The following DLGAP2 variants were observed in gnomAD, a reference collection of about 807,000 sequenced individuals.
The protein encoded by DLGAP2 is DLG associated protein 2.
In DLGAP2, 26 loss-of-function variants were observed where a neutral mutation model predicts 100.3. The observed-to-expected ratio is 0.26, with a 90% CI of 0.19 to 0.36. The LOEUF (loss-of-function observed/expected upper bound fraction) is 0.36, where lower values mean the gene tolerates loss of function less well. Ranked by LOEUF, DLGAP2 falls within the 10% of genes least tolerant of loss-of-function variation. The pLI is 1.00. For synonymous variants in DLGAP2, 886 were observed against 630.1 expected (o/e 1.41, Z -6.08); for missense variants, 1,858 against 1,453.2 (o/e 1.28, Z -4.53).
At chr8:1,463,412 C>A (rs995531203) in intron 3 of DLGAP2, among the ~76,000 whole-genome samples, 2 of 152,220 alleles carry the variant, frequency 1.3e-5, no homozygotes, top group Admixed American at 6.5e-5. Flanking sequence ...GAGAACCCAG[C>A]ATGGCTATGT....
chr8:976,098 C>T (rs1260698250), intron 2 of DLGAP2, among the ~76,000 whole-genome samples: 1 of 152,008 alleles, frequency 6.6e-6, no homozygotes, highest in Non-Finnish European at 1.5e-5. Context: ...AAAATTAACA[C>T]CAAAAATAAA....
chr8:975,344 A>C (rs183282048), intron 2 of DLGAP2, among the ~76,000 whole-genome samples: 6 of 152,300 alleles, frequency 3.9e-5, no homozygotes, highest in Admixed American at 3.9e-4. Flanking sequence ...GTACTCCACA[A>C]CCTATTCCAG....
At chr8:1,159,687 T>C (rs1021110270) in intron 2 of DLGAP2, among the ~76,000 whole-genome samples, 1 of 152,244 alleles carries the variant, frequency 6.6e-6, no homozygotes, top group African/African-American at 2.4e-5. Context: ...TATATACATT[T>C]TCATTCCGCA....
intron 2 of DLGAP2, among the ~76,000 whole-genome samples, chr8:1,027,973 G>T (rs551702867): frequency 9.0e-5 from 13 of 144,844 alleles, no homozygotes; most frequent in Non-Finnish European, 1.4e-4. Flanking sequence ...TATTCTCTAG[G>T]TGGGGTGTCA....
At chr8:1,299,647 A>G (rs535650083) in intron 3 of DLGAP2, among the ~76,000 whole-genome samples, 1 of 152,340 alleles carries the variant, frequency 6.6e-6, no homozygotes, top group South Asian at 2.1e-4. Context: ...GCTGCAAATT[A>G]GAAGCAATAA....
At chr8:1,604,896 G>A (rs368701558) in intron 6 of DLGAP2, among the ~76,000 whole-genome samples, 14 of 152,316 alleles carry the variant, frequency 9.2e-5, no homozygotes, top group African/African-American at 2.2e-4. Flanking sequence ...TAGGCCAGCC[G>A]TTAGAATCGC....
At chr8:1,501,245 A>C in intron 3 of DLGAP2, 121 bp from the exon 4 acceptor site, 1 of 1,056,224 alleles carries the variant, frequency 9.5e-7, no homozygotes, top group Non-Finnish European at 1.4e-6. Flanking sequence ...CGTTTGAAGA[A>C]ATACAAAGGT....
rs1185229966 is a variant in DLGAP2 at position 1,626,843 on chromosome 8, A to G, written c.1546A>G (p.Met516Val). 6.2e-7 allele frequency: 1 copy of G among 1,607,176 alleles called. No individual in the cohort carries two copies. Among genetic ancestry groups the G allele is most frequent in the Non-Finnish European group, 8.5e-7 (1 of 1,177,060 alleles). Residue 516 changes from methionine to valine, a missense_variant, in exon 7 of 15, where the codon ATG (methionine) becomes GTG (valine). By Grantham distance (21) the Met-to-Val change is conservative. Transcript: ENST00000637795. ...ATTCCGCTCCCGGAACCAGAGCTAC[A>G]TGAGGGCCGTCAGCACCCTGAGCCA... ...PKFRSRNQSYMRAVSTLSQAS... is the reference protein window; with the variant it reads ...PKFRSRNQSYVRAVSTLSQAS...
chr8:1,077,539 C>G (rs540772619), intron 2 of DLGAP2, among the ~76,000 whole-genome samples: 13 of 152,306 alleles, frequency 8.5e-5, no homozygotes, highest in Non-Finnish European at 1.6e-4. Flanking sequence ...GCTCCACTGT[C>G]TACCAGAGGT....
intron 3 of DLGAP2, among the ~76,000 whole-genome samples, chr8:1,464,271 A>G (rs866086810): frequency 1.3e-4 from 7 of 55,110 alleles, no homozygotes; most frequent in African/African-American, 5.4e-4. Context: ...CCAGGACGGC[A>G]CCCTTCCAGG....
intron 1 of DLGAP2, among the ~76,000 whole-genome samples, chr8:903,683 A>G (rs1270584084): frequency 1.3e-5 from 2 of 152,078 alleles, no homozygotes; most frequent in African/African-American, 2.4e-5. Context: ...GAGGACGCCA[A>G]GCTCTCCCGC....
chr8:1,170,361 C>A lies in DLGAP2; in HGVS notation c.74-88490C>A, dbSNP rs917855639. Among the ~76,000 whole-genome samples, 263 of 152,196 alleles carry A rather than the reference C, an allele frequency of 1.7e-3. 1 individual carries two copies. Among genetic ancestry groups the A allele is most frequent in the African/African-American group, 6.2e-3 (258 of 41,516 alleles). The stretch of plus-strand genomic sequence containing the variant: ...AAAATTCTCTTTTTTGGTTGTGTCT[C>A]TGCCAGGCTTTGGTATCAGGATGAT... On this transcript the variant is annotated intron_variant, in intron 2 of 14. Transcript: ENST00000637795.
chr8:1,591,555 G>T (rs1796291501), intron 6 of DLGAP2, among the ~76,000 whole-genome samples: 1 of 131,226 alleles, frequency 7.6e-6, no homozygotes, highest in South Asian at 2.4e-4. Context: ...CACCTCCACT[G>T]TTCACCCCTG....
rs371014770 is a variant in DLGAP2 at position 1,442,589 on chromosome 8, G to T, written c.107-58777G>T. Among the ~76,000 whole-genome samples the T allele has an allele frequency of 1.0e-4, 15 of 146,568 alleles. No homozygotes were observed. The East Asian group carries it at 1.7e-3, about 16-fold the overall frequency. ...GACCCGCCAGGCTGCTGTGGGTTCA[G>T]CCACTGGGGGAGACGGATCGGGGCA... On this transcript the variant is annotated intron_variant, in intron 3 of 14. Transcript: ENST00000637795.
At chr8:985,402 C>T (rs189385556) in intron 2 of DLGAP2, among the ~76,000 whole-genome samples, 8 of 152,208 alleles carry the variant, frequency 5.3e-5, no homozygotes, top group East Asian at 1.9e-4. Context: ...ACTGACAAAA[C>T]AAGGGCCATG....
At position 1,124,189 on chromosome 8, in the gene DLGAP2, A is replaced by G. The variant is rs1796113299; in HGVS notation, c.74-134662A>G. ...GACTGATTCAATTCTCATAGCATAC[A>G]TAGAACATAGTCCTTGGTTTCCATT... is the stretch of plus-strand genomic sequence containing the variant. On this transcript the variant is annotated intron_variant, in intron 2 of 14. Coordinates refer to ENST00000637795, the MANE Select transcript of DLGAP2 (RefSeq NM_001346810.2). Among the ~76,000 whole-genome samples the G allele has an allele frequency of 2.0e-5, 3 of 152,232 alleles. No homozygotes were observed. In the South Asian group the frequency reaches 6.2e-4, roughly 32 times the overall value.
intron 6 of DLGAP2, among the ~76,000 whole-genome samples, chr8:1,568,425 G>C (rs1430503858): frequency 1.6e-5 from 2 of 127,894 alleles, no homozygotes; most frequent in South Asian, 2.7e-4. Flanking sequence ...CCACTCAGCA[G>C]ACACAAATCC....
chr8:795,938 G>C (rs76426164), intron 1 of DLGAP2, among the ~76,000 whole-genome samples: 29 of 11,810 alleles, frequency 2.5e-3, no homozygotes, highest in Admixed American at 9.0e-3. Flanking sequence ...GTGAGAGCAG[G>C]CGTCCAGTGA....
At chr8:1,290,534 G>T (rs1438956122) in intron 3 of DLGAP2, among the ~76,000 whole-genome samples, 1 of 152,188 alleles carries the variant, frequency 6.6e-6, no homozygotes, top group Non-Finnish European at 1.5e-5. Context: ...AAGGTTAGTA[G>T]TTATAAAAGA....
Sources: gnomAD v4.1 joint callset for allele counts (sites outside exome capture counted in the v4.1 genomes callset) on GRCh38, gnomAD v4.1.1 for gene constraint, MANE v1.5 for transcripts, NCBI Gene and HGNC (gene_info 2026-07-23, HGNC 2026-07-21) for gene names.